ESR1: variants seen among roughly 807,000 people sequenced by gnomAD.
ESR1 encodes estrogen receptor 1, also known as estrogen receptor.
In ESR1, 12 loss-of-function variants were observed where a neutral mutation model predicts 52.7. That is an observed-to-expected ratio of 0.23 (90% CI 0.15 to 0.37). ESR1 has a LOEUF of 0.37. ESR1 is among the 10% of genes least tolerant of loss of function. The pLI is 1.00. For missense variants in ESR1, 584 were observed against 779.7 expected (o/e 0.75, Z 2.99); for synonymous variants, 305 against 316.8 (o/e 0.96, Z 0.39).
intron 3 of ESR1, among the ~76,000 whole-genome samples, chr6:151,899,537 A>C (rs1265538896): frequency 6.3e-5 from 7 of 111,996 alleles, no homozygotes; most frequent in Admixed American, 1.8e-4. Context: ...TGACCCCCCC[A>C]CCTCCCTCCC....
chr6:151,856,153 G>C (rs1288116935), intron 2 of ESR1, among the ~76,000 whole-genome samples: 2 of 152,070 alleles, frequency 1.3e-5, no homozygotes, highest in Non-Finnish European at 2.9e-5. Context: ...ACTTACTTTT[G>C]AAGTTTGACA....
At chr6:151,696,463 C>G (rs1457298483) in intron 1 of ESR1, among the ~76,000 whole-genome samples, 1 of 145,730 alleles carries the variant, frequency 6.9e-6, no homozygotes, top group Admixed American at 7.3e-5. Context: ...CATAGAGAGA[C>G]TCCATCTCAA....
rs1792735458 is a variant in ESR1 at position 151,880,576 on chromosome 6, C to T, written c.644-79C>T. 19 of 874,858 alleles carry T rather than the reference C, an allele frequency of 2.2e-5. 1 individual carries two copies. The South Asian group carries it at 2.5e-4, about 11-fold the overall frequency. The allele number at this position is 874,858 out of a possible 1,614,324, so 54.2% of individuals were successfully genotyped here. On this transcript the variant is annotated intron_variant, in intron 2 of 7. Coordinates refer to ENST00000206249, the MANE Select transcript of ESR1 (RefSeq NM_000125.4). ...GCTGAGGAAGTGATAGGAAAACAGC[C>T]TCCAAAAGGTTTCCCTGTAGATTCT...
intron 5 of ESR1, among the ~76,000 whole-genome samples, chr6:152,042,960 GA>G (rs1472609283): frequency 5.3e-5 from 8 of 152,168 alleles, no homozygotes; most frequent in Non-Finnish European, 1.2e-4. Flanking sequence ...GTAGTTGAAT[GA>G]CTGTGGTTCC....
At chr6:152,083,872 C>T (rs2049454335) in intron 6 of ESR1, among the ~76,000 whole-genome samples, 1 of 152,156 alleles carries the variant, frequency 6.6e-6, no homozygotes, top group South Asian at 2.1e-4. Context: ...GGTGATTCCT[C>T]AAGGATCTAG....
intron 3 of ESR1, among the ~76,000 whole-genome samples, chr6:151,901,284 T>C (rs766115414): frequency 6.6e-6 from 1 of 152,158 alleles, no homozygotes; most frequent in Non-Finnish European, 1.5e-5. Flanking sequence ...CCGGTCTCAC[T>C]CCTGTGCCCT....
At chr6:151,841,533 T>C (rs1395878626) in intron 1 of ESR1, among the ~76,000 whole-genome samples, 2 of 152,186 alleles carry the variant, frequency 1.3e-5, no homozygotes, top group Non-Finnish European at 2.9e-5. Flanking sequence ...ATTTTCTTGG[T>C]TTTCCTAGAA....
chr6:151,753,642 C>T (rs1784070943), intron 2 of ESR1, among the ~76,000 whole-genome samples: 1 of 152,058 alleles, frequency 6.6e-6, no homozygotes, highest in Non-Finnish European at 1.5e-5. Flanking sequence ...TGTATTGGCT[C>T]CCAACCAGTA....
intron 4 of ESR1, among the ~76,000 whole-genome samples, chr6:151,988,074 A>T (rs2040662413): frequency 6.6e-6 from 1 of 152,094 alleles, no homozygotes; most frequent in African/African-American, 2.4e-5. Flanking sequence ...TCCATGGACC[A>T]GTGTGGGGGC....
In ESR1 at chr6:151,808,341, G is replaced by T. The variant is rs753166820; in HGVS notation, c.429G>T (p.Glu143Asp). The change falls in exon 1 of 8, where the codon GAG becomes GAT. Residue 143 changes from glutamate (E) to aspartate (D), a missense_variant. Transcript: ENST00000206249. ...AGCCCAGCGGCTACACGGTGCGCGAGGCCGGCCCGCCGGCATTCTACAGGT... is the reference window on the plus strand; with the variant it reads ...AGCCCAGCGGCTACACGGTGCGCGATGCCGGCCCGCCGGCATTCTACAGGT... The part of the protein sequence containing the change: ...ENEPSGYTVR[E>D]AGPPAFYRPN... 27 of 1,524,304 alleles carry T rather than the reference G, an allele frequency of 1.8e-5. No homozygotes were observed. The African/African-American group carries it at 3.2e-4, about 18-fold the overall frequency. 94.4% of individuals were successfully genotyped at this position (1,524,304 alleles called of 1,614,324 possible).
chr6:151,707,626 A>G (rs978506930), intron 2 of ESR1, among the ~76,000 whole-genome samples: 5 of 152,146 alleles, frequency 3.3e-5, no homozygotes, highest in African/African-American at 9.6e-5. Flanking sequence ...GTGGTCCACC[A>G]TTTATTTCCT....
chr6:152,062,585 T>A lies in ESR1; in HGVS notation c.1369+1461T>A, dbSNP rs957189362. On this transcript the variant is annotated intron_variant, in intron 6 of 7. Coordinates refer to ENST00000206249, the MANE Select transcript of ESR1 (RefSeq NM_000125.4). ...TCATTTCAGTCGTTTGTCCTGTACA[T>A]TGTAGGGTCCAGATCCCACAATGGC... is the stretch of plus-strand genomic sequence containing the variant. 5.9e-5 allele frequency among the ~76,000 whole-genome samples: 9 copies of A among 152,318 alleles called. No individual in the cohort carries two copies. The South Asian group carries it at 8.3e-4, about 14-fold the overall frequency.
At chr6:152,103,315 C>G (rs571858269), downstream of ESR1, 4 of 173,908 alleles carry the variant, frequency 2.3e-5, no homozygotes, top group East Asian at 4.1e-4. Context: ...TTCTTGCTAG[C>G]AGTTCACCAC....
intron 1 of ESR1, among the ~76,000 whole-genome samples, chr6:151,836,503 C>T (rs1783354205): frequency 6.6e-6 from 1 of 152,118 alleles, no homozygotes; most frequent in Non-Finnish European, 1.5e-5. Flanking sequence ...CCACTGAGTT[C>T]CCCCAGGACA....
At chr6:151,688,860 C>A (rs186341391), upstream of ESR1, among the ~76,000 whole-genome samples, 291 of 152,268 alleles carry the variant, frequency 1.9e-3, no homozygotes, top group Non-Finnish European at 2.9e-3. Context: ...AATATCCCAA[C>A]CCTAATACTA....
chr6:151,715,153 T>C (rs1364913963), intron 2 of ESR1, among the ~76,000 whole-genome samples: 1 of 152,220 alleles, frequency 6.6e-6, no homozygotes, highest in Non-Finnish European at 1.5e-5. Flanking sequence ...TTAAGAATGT[T>C]GAATATTGGC....
chr6:151,924,262 T>C (rs2032272746), intron 3 of ESR1, among the ~76,000 whole-genome samples: 1 of 152,068 alleles, frequency 6.6e-6, no homozygotes. Context: ...AGGCTGGTCT[T>C]GAACTCCTGA....
intron 5 of ESR1, among the ~76,000 whole-genome samples, chr6:152,016,503 TGATGGCATTGA>T (rs771761793): frequency 3.3e-5 from 5 of 152,210 alleles, no homozygotes; most frequent in Non-Finnish European, 7.3e-5. Context: ...TAACTGCTTT[TGATGGCATTGA>T]TAGATGCATT....
chr6:152,123,603 C>CT (rs1237208113), intron 6 of ESR1, among the ~76,000 whole-genome samples: 1 of 152,098 alleles, frequency 6.6e-6, no homozygotes, highest in Non-Finnish European at 1.5e-5. Flanking sequence ...CAGCCATTAC[C>CT]TTTTTTTGGT....
Sources: allele counts gnomAD v4.1 joint callset (sites outside exome capture counted in the v4.1 genomes callset), GRCh38; gene constraint gnomAD v4.1.1; transcripts MANE v1.5; gene names NCBI Gene and HGNC (gene_info 2026-07-23, HGNC 2026-07-21).